The following MEF2A variants were observed in gnomAD, a reference collection of about 807,000 sequenced individuals.
MEF2A encodes the protein myocyte enhancer factor 2A, also known as myocyte-specific enhancer factor 2A.
A neutral mutation model predicts 55.8 loss-of-function variants in MEF2A; 28 were observed. That is an observed-to-expected ratio of 0.50 (90% confidence interval 0.37 to 0.69). The LOEUF (loss-of-function observed/expected upper bound fraction) is 0.69, where lower values mean the gene tolerates loss of function less well. MEF2A is among the 30% of genes least tolerant of loss of function. The probability of loss-of-function intolerance (pLI) is 0.00; values close to 1 mark genes in which losing one functional copy is unlikely to be tolerated. For synonymous variants in MEF2A, 239 were observed against 227.1 expected, an observed-to-expected ratio of 1.05 and a Z score of -0.47; for missense variants, 528 against 626.2, an observed-to-expected ratio of 0.84 and a Z score of 1.67.
intron 3 of MEF2A, among the ~76,000 whole-genome samples, chr15:99,643,583 A>G (rs1472348321): frequency 6.6e-6 from 1 of 150,502 alleles, no homozygotes; most frequent in Non-Finnish European, 1.5e-5. Flanking sequence ...TTTCTGTTTT[A>G]TATTGAGAAT....
At chr15:99,582,955 C>T (rs755491783) in intron 1 of MEF2A, among the ~76,000 whole-genome samples, 2 of 151,976 alleles carry the variant, frequency 1.3e-5, no homozygotes, top group African/African-American at 4.8e-5. Flanking sequence ...TTCTCTTCCA[C>T]GGAAGAAGGG....
intron 4 of MEF2A, among the ~76,000 whole-genome samples, chr15:99,667,594 G>A (rs1393417064): frequency 6.6e-6 from 1 of 151,990 alleles, no homozygotes; most frequent in Non-Finnish European, 1.5e-5. Context: ...ATTAATTAGT[G>A]AGGGAGCCTG....
At chr15:99,662,330 G>A (rs1490297138) in intron 4 of MEF2A, among the ~76,000 whole-genome samples, 2 of 152,060 alleles carry the variant, frequency 1.3e-5, no homozygotes, top group Non-Finnish European at 2.9e-5. Context: ...GTTTTTATGT[G>A]TTGTCAGAGT....
intron 2 of MEF2A, among the ~76,000 whole-genome samples, chr15:99,629,790 A>G (rs1206498854): frequency 6.6e-6 from 1 of 152,154 alleles, no homozygotes; most frequent in African/African-American, 2.4e-5. Flanking sequence ...AATACAAAAA[A>G]TTAGCCGGGC....
chr15:99,672,605 G>A (rs958544511), intron 5 of MEF2A, among the ~76,000 whole-genome samples: 5 of 152,156 alleles, frequency 3.3e-5, no homozygotes, highest in Non-Finnish European at 5.9e-5. Flanking sequence ...ATGCATGATG[G>A]ATCATTTCTT....
At chr15:99,605,746 G>A (rs923546061) in intron 2 of MEF2A, among the ~76,000 whole-genome samples, 1 of 151,882 alleles carries the variant, frequency 6.6e-6, no homozygotes, top group Non-Finnish European at 1.5e-5. Context: ...AAAGGTGGGT[G>A]GATCACCTGA....
chr15:99,599,128 G>T (rs1972176039), intron 2 of MEF2A, among the ~76,000 whole-genome samples: 1 of 152,092 alleles, frequency 6.6e-6, no homozygotes, highest in South Asian at 2.1e-4. Flanking sequence ...TCAGTAAGAT[G>T]TGTAGTCCTC....
chr15:99,567,627 C>A (rs2570926), intron 1 of MEF2A, among the ~76,000 whole-genome samples: 71 of 143,760 alleles, frequency 4.9e-4, no homozygotes, highest in African/African-American at 1.7e-3. Flanking sequence ...TTTGTATGTA[C>A]TGTGTGTGTG....
rs1477902620 is a variant in MEF2A, at chr15:99,690,365, C to T, written c.795C>T (p.Asn265=). The stretch of plus-strand genomic sequence containing the variant: ...CAGGTGGTGGTAATCTTGGAATGAA[C>T]AGTAGGAAACCAGATCTTCGAGTTG... ...PPPGGGNLGM[N]SRKPDLRVVI... Residue 265 remains asparagine, a synonymous_variant, in exon 8 of 12, where the codon AAC becomes AAT. Transcript: ENST00000557942. The T allele has an allele frequency of 1.9e-6, 3 of 1,613,202 alleles. No individual in the cohort carries two copies. The highest frequency in any genetic ancestry group is 2.5e-6 in the Non-Finnish European group (3 of 1,179,548).
intron 4 of MEF2A, among the ~76,000 whole-genome samples, chr15:99,664,541 T>C (rs751084842): frequency 1.3e-5 from 2 of 152,024 alleles, no homozygotes; most frequent in Non-Finnish European, 2.9e-5. Context: ...ATGGAACAGA[T>C]AGAATGGAGA....
intron 4 of MEF2A, among the ~76,000 whole-genome samples, chr15:99,658,771 T>C (rs1265615522): frequency 6.6e-6 from 1 of 151,638 alleles, no homozygotes; most frequent in Non-Finnish European, 1.5e-5. Flanking sequence ...AGGAAGGGAG[T>C]AGAATGCAAC....
intron 2 of MEF2A, among the ~76,000 whole-genome samples, chr15:99,600,638 C>G (rs1295835238): frequency 1.3e-5 from 2 of 152,020 alleles, no homozygotes; most frequent in Non-Finnish European, 2.9e-5. Context: ...TCATATTGTT[C>G]CAGCAGTTTT....
Position 99,716,182 on chromosome 15 carries a change from C to CTT in MEF2A, c.*3416_*3417dup, listed in dbSNP as rs1347625063. The CTT allele has an allele frequency of 5.5e-6, 1 of 180,510 alleles. No individual in the cohort carries two copies. The highest frequency in any genetic ancestry group is 1.5e-4 in the East Asian group (1 of 6,742). The allele number at this position is 180,510 out of a possible 1,614,324, so 11.2% of individuals were successfully genotyped here. A position where few individuals can be genotyped will look rare whatever the true frequency, so the allele number is the denominator to read the frequency against. On this transcript the variant is annotated 3_prime_UTR_variant, in exon 12 of 12. Coordinates refer to ENST00000557942, the MANE Select transcript of MEF2A (RefSeq NM_001319206.4). ...CACTGCTTTGCTATATTTAAAATGG[C>CTT]TTTTTTAAAAGAGATTTATGTATTT...
intron 1 of MEF2A, among the ~76,000 whole-genome samples, chr15:99,569,399 C>T (rs555378124): frequency 2.6e-5 from 4 of 152,256 alleles, no homozygotes; most frequent in African/African-American, 7.2e-5. Flanking sequence ...AAAAGGATTT[C>T]GTATAATGTA....
chr15:99,597,458 A>G (rs375715939), intron 1 of MEF2A, among the ~76,000 whole-genome samples: 2 of 152,128 alleles, frequency 1.3e-5, no homozygotes, highest in Non-Finnish European at 2.9e-5. Context: ...GTTATCAGTG[A>G]CAATGGTGCC....
In MEF2A at chr15:99,571,442, G is replaced by A. The variant is rs79871973; in HGVS notation, c.-225+5338G>A. 6.5e-3 allele frequency among the ~76,000 whole-genome samples: 987 copies of A among 152,124 alleles called. 10 individuals are homozygous for A. The highest frequency in any genetic ancestry group is 0.023 in the African/African-American group (937 of 41,456). On this transcript the variant is annotated intron_variant, in intron 1 of 11. Coordinates refer to ENST00000557942, the MANE Select transcript of MEF2A (RefSeq NM_001319206.4). ...TAATTTTCCTCCTACCATTACTATC[G>A]TTACTACTACTGCTATTGCTGTTAG...
At chr15:99,576,653 T>G (rs984670646) in intron 1 of MEF2A, among the ~76,000 whole-genome samples, 1 of 151,682 alleles carries the variant, frequency 6.6e-6, no homozygotes, top group Non-Finnish European at 1.5e-5. Flanking sequence ...TTGTTTTTTT[T>G]TTTTTGAGAC....
intron 8 of MEF2A, among the ~76,000 whole-genome samples, chr15:99,699,305 T>C (rs1283387199): frequency 6.6e-6 from 1 of 152,234 alleles, no homozygotes; most frequent in Non-Finnish European, 1.5e-5. Flanking sequence ...TAAGTGAATT[T>C]TGCTAAGTAA....
At chr15:99,688,641 C>T (rs1385970507) in intron 7 of MEF2A, among the ~76,000 whole-genome samples, 2 of 152,254 alleles carry the variant, frequency 1.3e-5, no homozygotes, top group South Asian at 2.1e-4. Context: ...CCTGTAGTCC[C>T]AGCTACTCAG....
Sources: allele counts gnomAD v4.1 joint callset (sites outside exome capture counted in the v4.1 genomes callset), GRCh38; gene constraint gnomAD v4.1.1; transcripts MANE v1.5; gene names NCBI Gene and HGNC (gene_info 2026-07-23, HGNC 2026-07-21).